Variants in EML2 observed in about 807,000 individuals in gnomAD.
EML2 encodes the protein EMAP like 2, also known as echinoderm microtubule-associated protein-like 2.
Under a neutral mutation model 84.7 loss-of-function variants are expected in EML2, and 59 were observed. That is an observed-to-expected ratio of 0.70 (90% CI 0.56 to 0.86). EML2 has a LOEUF of 0.86. Ranked by LOEUF, EML2 falls within the 40% of genes least tolerant of loss-of-function variation. The pLI, the probability that EML2 is intolerant of heterozygous loss-of-function variation, is 0.00. For missense variants in EML2, 818 were observed against 855.6 expected (o/e 0.96, Z 0.55); for synonymous variants, 352 against 348.9 (o/e 1.01, Z -0.10).
At chr19:45,639,171 C>G in intron 1 of EML2, 186 bp downstream of exon 1, 1 of 693,612 alleles carries the variant, frequency 1.4e-6, no homozygotes, top group Non-Finnish European at 2.3e-6. Flanking sequence ...GCAAGGTGCT[C>G]CCCAGCGCCC....
At chr19:45,643,904 A>G (rs1382236695), upstream of EML2, among the ~76,000 whole-genome samples, 1 of 152,132 alleles carries the variant, frequency 6.6e-6, no homozygotes, top group Non-Finnish European at 1.5e-5. Flanking sequence ...ACAGGGGGAA[A>G]CCTCTAGGGG....
chr19:45,641,640 C>A, upstream of EML2: 1 of 1,536,092 alleles, frequency 6.5e-7, no homozygotes, highest in Non-Finnish European at 8.7e-7. Flanking sequence ...CCAGTCCTTA[C>A]CCTTCCTTTT....
chr19:45,626,965 T>TC (rs1972424190), intron 7 of EML2, 126 bp from the exon 8 acceptor site: 3 of 909,398 alleles, frequency 3.3e-6, no homozygotes, highest in Non-Finnish European at 3.1e-6. Context: ...CTTTTCTTTT[T>TC]TTTTTTTTTT....
In EML2 at chr19:45,616,534, G is replaced by A. The variant is rs1466778775; in HGVS notation, c.1436C>T (p.Ser479Phe). 7 of 1,611,056 alleles carry A rather than the reference G, an allele frequency of 4.3e-6. No homozygotes were observed. Among genetic ancestry groups the A allele is most frequent in the Non-Finnish European group, 5.1e-6 (6 of 1,177,994 alleles). Residue 479 changes from serine to phenylalanine, a missense_variant, in exon 15 of 19, where the codon TCC becomes TTC. Transcript: ENST00000245925. ...SPDGAYLAVG[S>F]HDNLVYVYTV... Reference sequence around the variant, plus strand: ...GTACACGTACACCAAGTTGTCGTGGGAGCCCACGGCCAGGTACGCCCCGTC... The same window carrying A: ...GTACACGTACACCAAGTTGTCGTGGAAGCCCACGGCCAGGTACGCCCCGTC...
At chr19:45,618,962 A>T in intron 12 of EML2, 98 bp downstream of exon 12, 1 of 1,321,706 alleles carries the variant, frequency 7.6e-7, no homozygotes, top group Non-Finnish European at 9.9e-7. Flanking sequence ...AAAAAAAAAA[A>T]AGACCTTGTT....
At chr19:45,645,394 C>G, upstream of EML2, 1 of 1,497,900 alleles carries the variant, frequency 6.7e-7, no homozygotes, top group Non-Finnish European at 8.8e-7. Context: ...CCCGGTCCCC[C>G]CAACCAGGCC....
At chr19:45,613,823 C>T (rs967695574) in intron 17 of EML2, 152 bp from the exon 18 acceptor site, 160 of 959,342 alleles carry the variant, frequency 1.7e-4, no homozygotes, top group African/African-American at 3.1e-4. Flanking sequence ...AATGTGAATC[C>T]GAGCCTGCCC....
intron 16 of EML2, 42 bp downstream of exon 16, chr19:45,615,760 T>G: frequency 2.6e-6 from 4 of 1,524,126 alleles, no homozygotes; most frequent in Non-Finnish European, 3.6e-6. Context: ...AGTCTGCAAA[T>G]GAGACGGAGG....
upstream of EML2, chr19:45,640,883 G>A (rs1974402470): frequency 6.6e-6 from 1 of 152,394 alleles, no homozygotes; most frequent in African/African-American, 2.4e-5. Context: ...CCCGCCTCTG[G>A]AGTTGACCAC....
At chr19:45,626,334 A>G (rs561306249) in intron 8 of EML2, among the ~76,000 whole-genome samples, 36 of 144,352 alleles carry the variant, frequency 2.5e-4, no homozygotes, top group African/African-American at 8.6e-4. Context: ...ACCATTTACT[A>G]TCTGCTAGGA....
At chr19:45,611,739 C>T (rs1177216020) in intron 18 of EML2, among the ~76,000 whole-genome samples, 3 of 152,098 alleles carry the variant, frequency 2.0e-5, no homozygotes, top group African/African-American at 7.2e-5. Context: ...CCGCCTGCCT[C>T]GGCCTCCCAA....
chr19:45,642,629 T>A, upstream of EML2: 1 of 932,946 alleles, frequency 1.1e-6, no homozygotes, highest in Non-Finnish European at 1.4e-6. Context: ...TCTAAGAGTC[T>A]GTGAACCCAG....
intron 1 of EML2, chr19:45,639,115 C>G: frequency 1.5e-6 from 1 of 678,906 alleles, no homozygotes; most frequent in Non-Finnish European, 2.6e-6. Context: ...GGCAGGGACG[C>G]GATCCTGGAA....
At chr19:45,614,831 A>T in intron 16 of EML2, 131 bp from the exon 17 acceptor site, 1 of 714,936 alleles carries the variant, frequency 1.4e-6, no homozygotes, top group Non-Finnish European at 2.4e-6. Flanking sequence ...TCTACCTGTC[A>T]GGACTGGCTG....
At chr19:45,633,000 G>C (rs1351737094) in intron 5 of EML2, 29 bp from the exon 6 acceptor site, 3 of 1,604,894 alleles carry the variant, frequency 1.9e-6, no homozygotes, top group Admixed American at 3.4e-5. Flanking sequence ...TGTTACCTTG[G>C]GGGTGCCAGC....
At chr19:45,632,458 C>G (rs1973167917) in intron 6 of EML2, 1 of 185,026 alleles carries the variant, frequency 5.4e-6, no homozygotes, top group Admixed American at 5.4e-5. Context: ...GGATTACAGG[C>G]ACAAGCCACC....
chr19:45,639,445 G>T, upstream of EML2: 2 of 1,237,798 alleles, frequency 1.6e-6, no homozygotes, highest in Non-Finnish European at 1.0e-6. Context: ...CCGGCCCTGG[G>T]AGGCGCCCGG....
chr19:45,627,977 C>G (rs1019897425), intron 7 of EML2, among the ~76,000 whole-genome samples: 1 of 152,054 alleles, frequency 6.6e-6, no homozygotes, highest in Non-Finnish European at 1.5e-5. Context: ...AGGAGAGTTG[C>G]TTGCTTGAAC....
rs1970285495 is a variant in EML2, at chr19:45,609,717, C to A, written c.1896G>T (p.Met632Ile). The A allele has an allele frequency of 6.2e-7, 1 of 1,613,730 alleles. No individual in the cohort carries two copies. Among genetic ancestry groups the A allele is most frequent in the South Asian group, 1.1e-5 (1 of 91,010 alleles). The change falls in exon 19 of 19, where the codon ATG (methionine) becomes ATT (isoleucine). Residue 632 changes from methionine to isoleucine, a missense_variant. Transcript: ENST00000245925. ...TGTCCTTGCCCCCTGTGGTCAGGGC[C>A]ATGCTGTCATCCCACAAGAAGGCCA... ...TNVAFLWDDS[M>I]ALTTGGKDTS...
Sources: gnomAD v4.1 joint callset for allele counts (sites outside exome capture counted in the v4.1 genomes callset) on GRCh38, gnomAD v4.1.1 for gene constraint, MANE v1.5 for transcripts, NCBI Gene and HGNC (gene_info 2026-07-23, HGNC 2026-07-21) for gene names.